The following NRCAM variants were observed in gnomAD, a reference collection of about 807,000 sequenced individuals.
The protein encoded by NRCAM is neuronal cell adhesion molecule.
In NRCAM, 83 loss-of-function variants were observed where a neutral mutation model predicts 156.5. That is an observed-to-expected ratio of 0.53 (90% CI 0.44 to 0.64). NRCAM has a LOEUF of 0.64. Ranked by LOEUF, NRCAM falls within the 30% of genes least tolerant of loss-of-function variation. NRCAM has a pLI of 0.00. For missense variants in NRCAM, 1,417 were observed against 1,597.3 expected (o/e 0.89, Z 1.92); for synonymous variants, 538 against 563.9 (o/e 0.95, Z 0.65).
intron 30 of NRCAM, among the ~76,000 whole-genome samples, chr7:108,162,026 T>C (rs1229222098): frequency 3.9e-5 from 6 of 152,204 alleles, no homozygotes. Context: ...GGCTAACAGT[T>C]TTGGACCCTT....
chr7:108,398,200 T>C (rs538056235), intron 2 of NRCAM, among the ~76,000 whole-genome samples: 1 of 152,250 alleles, frequency 6.6e-6, no homozygotes, highest in Admixed American at 6.5e-5. Flanking sequence ...CAAGAATAAA[T>C]CTGCTTCTCT....
intron 3 of NRCAM, among the ~76,000 whole-genome samples, chr7:108,279,982 T>G (rs1196270717): frequency 6.6e-6 from 1 of 152,180 alleles, no homozygotes; most frequent in East Asian, 1.9e-4. Flanking sequence ...GACACTGGTG[T>G]CCCACATGTT....
chr7:108,284,200 A>C (rs1322934409), intron 3 of NRCAM, among the ~76,000 whole-genome samples: 1 of 151,982 alleles, frequency 6.6e-6, no homozygotes, highest in Non-Finnish European at 1.5e-5. Flanking sequence ...TGTTGTTCCT[A>C]CTATAAACAT....
chr7:108,150,084 T>A lies in NRCAM; in HGVS notation c.3741A>T (p.Lys1247Asn). The A allele has an allele frequency of 6.2e-7, 1 of 1,614,104 alleles. No homozygotes were observed. Among genetic ancestry groups the A allele is most frequent in the Non-Finnish European group, 8.5e-7 (1 of 1,179,962 alleles). The stretch of plus-strand genomic sequence containing the variant: ...CTAGGCTGTCGTCACTATCTTCTTT[T>A]TTCACAGTCCTGTCTGAAGGAGTTC... ...GSRTPSDRTV[K>N]KEDSDDSLVD... Residue 1247 changes from lysine (K) to asparagine (N), a missense_variant, in exon 33 of 33, where the codon AAA (lysine) becomes AAT (asparagine). By Grantham distance (94) the Lys-to-Asn change is moderately conservative. Coordinates refer to ENST00000379028, the MANE Select transcript of NRCAM (RefSeq NM_001037132.4).
chr7:108,365,730 A>T lies in NRCAM; in HGVS notation c.-174+33706T>A, dbSNP rs567309847. On this transcript the variant is annotated intron_variant, in intron 2 of 32. Coordinates refer to ENST00000379028, the MANE Select transcript of NRCAM (RefSeq NM_001037132.4). Reference sequence around the variant, plus strand: ...GCTGTGAACAAAAGGATGCTAAAAAAGATTTACAATTGCTTCAAATTTAAA... The same window carrying T: ...GCTGTGAACAAAAGGATGCTAAAAATGATTTACAATTGCTTCAAATTTAAA... Among the ~76,000 whole-genome samples the T allele has an allele frequency of 2.6e-5, 4 of 152,350 alleles. No individual in the cohort carries two copies. The South Asian group carries it at 6.2e-4, about 24-fold the overall frequency.
chr7:108,337,347 G>A (rs2099208333), intron 2 of NRCAM, among the ~76,000 whole-genome samples: 1 of 151,446 alleles, frequency 6.6e-6, no homozygotes, highest in Non-Finnish European at 1.5e-5. Context: ...ATTAAATCTT[G>A]CAACTGCACA....
chr7:108,201,947 T>C (rs1346736251), intron 13 of NRCAM, among the ~76,000 whole-genome samples: 2 of 152,206 alleles, frequency 1.3e-5, no homozygotes, highest in Non-Finnish European at 2.9e-5. Context: ...ACCCAGGAAC[T>C]GTCACGGTGA....
intron 2 of NRCAM, among the ~76,000 whole-genome samples, chr7:108,387,828 G>C (rs2099745989): frequency 6.6e-6 from 1 of 151,344 alleles, no homozygotes; most frequent in African/African-American, 2.4e-5. Context: ...CTGTCCTTGT[G>C]ATAGTTTGCT....
At position 108,149,575 on chromosome 7, in the gene NRCAM, A is replaced by T. The variant is rs1271375352; in HGVS notation, c.*335T>A. ...CCATGTTTTCATAACATACACGGGT[A>T]TGTCCTTTAAATGTGGAGCATTTTT... On this transcript the variant is annotated 3_prime_UTR_variant, in exon 33 of 33. Transcript: ENST00000379028. The T allele has an allele frequency of 3.7e-6, 1 of 269,834 alleles. No individual in the cohort carries two copies. 16.7% of individuals were successfully genotyped at this position (269,834 alleles called of 1,614,324 possible). A position where few individuals can be genotyped will look rare whatever the true frequency, so the allele number is the denominator to read the frequency against.
chr7:108,380,331 T>A (rs1017178015), intron 2 of NRCAM, among the ~76,000 whole-genome samples: 1 of 152,226 alleles, frequency 6.6e-6, no homozygotes, highest in Non-Finnish European at 1.5e-5. Flanking sequence ...TATCTCTCTG[T>A]GCAGCATGAT....
At chr7:108,306,367 G>A (rs1007121376) in intron 3 of NRCAM, among the ~76,000 whole-genome samples, 2 of 152,060 alleles carry the variant, frequency 1.3e-5, no homozygotes, top group East Asian at 1.9e-4. Flanking sequence ...AATGTTAAAG[G>A]TAATTTTTCT....
chr7:108,176,063 G>A (rs2060369172), intron 27 of NRCAM, among the ~76,000 whole-genome samples: 1 of 152,090 alleles, frequency 6.6e-6, no homozygotes, highest in African/African-American at 2.4e-5. Flanking sequence ...GTCTGTGTAT[G>A]CATATGTGTG....
intron 30 of NRCAM, among the ~76,000 whole-genome samples, chr7:108,160,806 A>G (rs1480516628): frequency 6.6e-6 from 1 of 152,230 alleles, no homozygotes; most frequent in African/African-American, 2.4e-5. Context: ...CAAACCAATT[A>G]AAGTATTCAC....
chr7:108,159,405 TC>T (rs2047483902), intron 32 of NRCAM, 57 bp downstream of exon 32: 1 of 1,454,552 alleles, frequency 6.9e-7, no homozygotes, highest in Non-Finnish European at 9.7e-7. Context: ...TGAGTTCTAT[TC>T]TCGGGACTGT....
intron 1 of NRCAM, among the ~76,000 whole-genome samples, chr7:108,412,972 G>T (rs1476695187): frequency 1.3e-5 from 2 of 152,156 alleles, no homozygotes; most frequent in Non-Finnish European, 2.9e-5. Context: ...GTTGATCCAT[G>T]TCTTGGCTAT....
chr7:108,204,572 C>T (rs749864349), intron 13 of NRCAM, among the ~76,000 whole-genome samples: 5 of 152,362 alleles, frequency 3.3e-5, no homozygotes, highest in South Asian at 4.1e-4. Flanking sequence ...ACATGCAGCA[C>T]CTGCTACCAG....
intron 5 of NRCAM, among the ~76,000 whole-genome samples, chr7:108,236,400 C>A (rs1434812218): frequency 1.3e-5 from 2 of 152,062 alleles, no homozygotes; most frequent in Admixed American, 1.3e-4. Flanking sequence ...ATCCCATCCC[C>A]CTCCTTGTCT....
intron 2 of NRCAM, among the ~76,000 whole-genome samples, chr7:108,324,718 T>C (rs1182782712): frequency 3.3e-5 from 5 of 152,150 alleles, no homozygotes; most frequent in African/African-American, 4.8e-5. Context: ...CAATAACGTC[T>C]ACAAATCTGT....
chr7:108,169,528 T>G (rs965124112), intron 28 of NRCAM, among the ~76,000 whole-genome samples: 1 of 152,162 alleles, frequency 6.6e-6, no homozygotes, highest in Non-Finnish European at 1.5e-5. Flanking sequence ...TTTCTTAGAA[T>G]TAAGAAAAGA....
Sources: allele counts gnomAD v4.1 joint callset (sites outside exome capture counted in the v4.1 genomes callset), GRCh38; gene constraint gnomAD v4.1.1; transcripts MANE v1.5; gene names NCBI Gene and HGNC (gene_info 2026-07-23, HGNC 2026-07-21).